Variants in ORC1 observed in about 807,000 individuals in gnomAD.
ORC1 encodes the protein origin recognition complex subunit 1, also known as origin recognition complex, subunit 1 homolog.
A neutral mutation model predicts 98.9 loss-of-function variants in ORC1; 61 were observed. The observed-to-expected ratio is 0.62, with a 90% CI of 0.50 to 0.76. The LOEUF is 0.76. Ranked by LOEUF, ORC1 falls within the 30% of genes least tolerant of loss-of-function variation. The pLI is 0.00. For missense variants in ORC1, 979 were observed against 1,072.2 expected (o/e 0.91, Z 1.21); for synonymous variants, 385 against 406.9 (o/e 0.95, Z 0.65).
chr1:52,387,803 C>A (rs760761861), intron 8 of ORC1, among the ~76,000 whole-genome samples: 1 of 152,164 alleles, frequency 6.6e-6, no homozygotes, highest in Admixed American at 6.5e-5. Flanking sequence ...CATCTTCATA[C>A]GGAAAAATGG....
At chr1:52,392,301 TTA>T (rs1161239375) in intron 6 of ORC1, among the ~76,000 whole-genome samples, 6 of 152,054 alleles carry the variant, frequency 3.9e-5, no homozygotes, top group Non-Finnish European at 5.9e-5. Context: ...GGCTAATTTT[TTA>T]TGTTTTAGTA....
chr1:52,384,519 T>C, intron 11 of ORC1, 31 bp downstream of exon 11: 1 of 1,607,358 alleles, frequency 6.2e-7, no homozygotes, highest in Non-Finnish European at 8.5e-7. Context: ...AGAAACAGCA[T>C]TTTCCAAAAA....
chr1:52,400,557 C>T (rs910612913), intron 3 of ORC1, among the ~76,000 whole-genome samples: 12 of 152,248 alleles, frequency 7.9e-5, no homozygotes, highest in African/African-American at 2.7e-4. Context: ...GGCATACAGA[C>T]TACCACAGGA....
chr1:52,395,937 G>C, intron 5 of ORC1, 109 bp downstream of exon 5: 1 of 1,536,212 alleles, frequency 6.5e-7, no homozygotes, highest in South Asian at 1.2e-5. Flanking sequence ...TGAGTTCCAG[G>C]CTATAGTGCA....
At chr1:52,397,436 T>A (rs191859542) in intron 4 of ORC1, among the ~76,000 whole-genome samples, 4 of 152,330 alleles carry the variant, frequency 2.6e-5, no homozygotes, top group Admixed American at 2.0e-4. Context: ...CTGAGATACA[T>A]CTGCTAATTC....
intron 8 of ORC1, among the ~76,000 whole-genome samples, chr1:52,387,813 G>T (rs1422830411): frequency 6.6e-6 from 1 of 152,194 alleles, no homozygotes; most frequent in African/African-American, 2.4e-5. Flanking sequence ...CGGAAAAATG[G>T]ACATCAGCTT....
At chr1:52,404,958 C>T (rs1198156511), upstream of ORC1, 1 of 1,540,748 alleles carries the variant, frequency 6.5e-7, no homozygotes, top group Admixed American at 1.9e-5. Flanking sequence ...GGACTAGCGA[C>T]TGGCCTCTGG....
At chr1:52,401,578 A>G in intron 2 of ORC1, 89 bp from the exon 3 acceptor site, 1 of 1,474,440 alleles carries the variant, frequency 6.8e-7, no homozygotes, top group Non-Finnish European at 9.4e-7. Flanking sequence ...AGGGCTCTCC[A>G]ATCCTGATTT....
chr1:52,408,820 A>G (rs1648070803), upstream of ORC1: 3 of 1,190,160 alleles, frequency 2.5e-6, no homozygotes. Context: ...GTCTCTATGC[A>G]GGTTTTCCCT....
At chr1:52,404,880 G>A, upstream of ORC1, 1 of 1,613,418 alleles carries the variant, frequency 6.2e-7, no homozygotes, top group Non-Finnish European at 8.5e-7. Flanking sequence ...GGACTTACAG[G>A]TAAGTGGAAG....
At chr1:52,380,059 T>C (rs1647041292) in intron 14 of ORC1, among the ~76,000 whole-genome samples, 1 of 152,196 alleles carries the variant, frequency 6.6e-6, no homozygotes, top group African/African-American at 2.4e-5. Flanking sequence ...ATGATTACTA[T>C]ATGCATGCCA....
chr1:52,393,622 G>A lies in ORC1; in HGVS notation c.903C>T (p.Leu301=), dbSNP rs560328556. 3.3e-5 allele frequency: 53 copies of A among 1,614,174 alleles called. 1 individual carries two copies. The South Asian group carries it at 5.4e-4, about 16-fold the overall frequency. Residue 301 remains leucine (L), a synonymous_variant, in exon 6 of 17, where the codon CTC becomes CTT. Coordinates refer to ENST00000371568, the MANE Select transcript of ORC1 (RefSeq NM_004153.4). ...CCTTCTTGTCATCCTCAGTATAAGA[G>A]AGTCCAGTCTCTCTGGTTTTCTCTG... ...KAPEKTRETG[L]SYTEDDKKAS... is the part of the protein sequence containing the mutation.
At chr1:52,394,819 T>G (rs1647322198) in intron 5 of ORC1, among the ~76,000 whole-genome samples, 1 of 152,096 alleles carries the variant, frequency 6.6e-6, no homozygotes, top group Non-Finnish European at 1.5e-5. Context: ...TGGCTAATTT[T>G]TTGCATTTTT....
chr1:52,373,417 T>C, intron 16 of ORC1, 42 bp from the exon 17 acceptor site: 1 of 1,543,342 alleles, frequency 6.5e-7, no homozygotes, highest in Non-Finnish European at 8.9e-7. Flanking sequence ...GGAAATACAA[T>C]CCTGGGGCTT....
chr1:52,383,701 C>A, intron 12 of ORC1, 129 bp downstream of exon 12: 1 of 1,282,048 alleles, frequency 7.8e-7, no homozygotes, highest in Non-Finnish European at 1.1e-6. Flanking sequence ...CATTGACACA[C>A]GCCTCTCAGC....
chr1:52,389,442 G>C (rs1312887472), intron 6 of ORC1, 121 bp from the exon 7 acceptor site: 4 of 713,862 alleles, frequency 5.6e-6, no homozygotes, highest in African/African-American at 3.6e-5. Flanking sequence ...ACTTTGAAAA[G>C]AGTAAAACTT....
Position 52,396,384 on chromosome 1 carries a change from A to G in ORC1, c.403-20T>C, listed in dbSNP as rs764528487. On this transcript the variant is annotated intron_variant, in intron 4 of 16. Transcript: ENST00000371568. Reference sequence around the variant, plus strand: ...TATCACCTGAATTTAGGAAGTATAGATAAGTAGGAAGAGATGAGCCCCAAG... The same window carrying G: ...TATCACCTGAATTTAGGAAGTATAGGTAAGTAGGAAGAGATGAGCCCCAAG... 6 of 1,613,978 alleles carry G rather than the reference A, an allele frequency of 3.7e-6. No homozygotes were observed. In the South Asian group the frequency reaches 5.5e-5, roughly 15 times the overall value.
At chr1:52,383,737 G>A (rs1416417859) in intron 12 of ORC1, 93 bp downstream of exon 12, 1 of 1,304,136 alleles carries the variant, frequency 7.7e-7, no homozygotes, top group Non-Finnish European at 1.1e-6. Context: ...CATATGAATG[G>A]AGAAGGGAGC....
At chr1:52,397,590 G>A (rs1342623082) in intron 4 of ORC1, 95 bp downstream of exon 4, 1 of 1,098,094 alleles carries the variant, frequency 9.1e-7, no homozygotes, top group Non-Finnish European at 1.4e-6. Flanking sequence ...TTCCCTATGG[G>A]GTATTAGAGC....
Sources: allele counts gnomAD v4.1 joint callset (sites outside exome capture counted in the v4.1 genomes callset), GRCh38; gene constraint gnomAD v4.1.1; transcripts MANE v1.5; gene names NCBI Gene and HGNC (gene_info 2026-07-23, HGNC 2026-07-21).